FUT8: variants seen among roughly 807,000 people sequenced by gnomAD.
FUT8 encodes alpha-(1,6)-fucosyltransferase.
In FUT8, 29 loss-of-function variants were observed where a neutral mutation model predicts 71.3. The observed-to-expected ratio is 0.41, with a 90% CI of 0.30 to 0.55. The LOEUF is 0.55. Ranked by LOEUF, FUT8 falls within the 20% of genes least tolerant of loss-of-function variation. The pLI is 0.34. For synonymous variants in FUT8, 254 were observed against 239.3 expected (o/e 1.06, Z -0.57); for missense variants, 544 against 702.1 (o/e 0.77, Z 2.55).
chr14:65,726,960 C>A (rs1003197487), intron 9 of FUT8, among the ~76,000 whole-genome samples: 1 of 152,196 alleles, frequency 6.6e-6, no homozygotes, highest in East Asian at 1.9e-4. Context: ...GTCCGAAATC[C>A]AGTGGGGCAG....
intron 7 of FUT8, among the ~76,000 whole-genome samples, chr14:65,693,449 C>T (rs546852525): frequency 2.0e-4 from 31 of 152,226 alleles, no homozygotes; most frequent in Middle Eastern, 3.4e-3. Flanking sequence ...TGAGCCGAGA[C>T]GGCGAGATGG....
At chr14:65,367,539 T>C in the FUT8 span, among the ~76,000 whole-genome samples, 1 of 152,158 alleles carries the variant, frequency 6.6e-6, no homozygotes. Context: ...TGTGGAGTGA[T>C]TTAAGGACTA....
chr14:65,604,825 A>C (rs528273029), intron 3 of FUT8, among the ~76,000 whole-genome samples: 1 of 152,090 alleles, frequency 6.6e-6, no homozygotes, highest in East Asian at 1.9e-4. Context: ...ATAACTTCTT[A>C]ATCCCACTTT....
intron 3 of FUT8, among the ~76,000 whole-genome samples, chr14:65,566,388 T>C (rs1886195737): frequency 6.6e-6 from 1 of 152,006 alleles, no homozygotes; most frequent in South Asian, 2.1e-4. Flanking sequence ...CTACAAAGAA[T>C]GTGTAACCGC....
intron 1 of FUT8, among the ~76,000 whole-genome samples, chr14:65,443,491 A>G (rs567243033): frequency 6.6e-6 from 1 of 151,808 alleles, no homozygotes; most frequent in Non-Finnish European, 1.5e-5. Context: ...AGGCTGAGGC[A>G]GGAGGATTAC....
chr14:65,390,182 T>TTA, the FUT8 span, among the ~76,000 whole-genome samples: 6 of 150,402 alleles, frequency 4.0e-5, no homozygotes, highest in Non-Finnish European at 5.9e-5. Flanking sequence ...AAAATAATAT[T>TTA]TATATATATA....
intron 7 of FUT8, among the ~76,000 whole-genome samples, chr14:65,693,445 G>A (rs28434531): frequency 0.01 from 1,544 of 152,320 alleles, 35 homozygotes; most frequent in African/African-American, 0.036. Flanking sequence ...GCAGTGAGCC[G>A]AGACGGCGAG....
the FUT8 span, among the ~76,000 whole-genome samples, chr14:65,404,443 A>T: frequency 6.6e-6 from 1 of 150,662 alleles, no homozygotes; most frequent in East Asian, 2.0e-4. Context: ...AAGTGCTGGG[A>T]TTACAGGTGT....
chr14:65,477,646 A>G (rs1463269491), intron 2 of FUT8, among the ~76,000 whole-genome samples: 1 of 152,232 alleles, frequency 6.6e-6, no homozygotes, highest in Non-Finnish European at 1.5e-5. Flanking sequence ...TAATATTGTT[A>G]AACAGTAGTA....
intron 2 of FUT8, among the ~76,000 whole-genome samples, chr14:65,481,094 A>G (rs886892153): frequency 1.3e-5 from 2 of 152,100 alleles, no homozygotes; most frequent in Non-Finnish European, 2.9e-5. Context: ...TAATTTCAGC[A>G]CATTCTTACC....
chr14:65,423,640 C>T (rs1027482459), intron 1 of FUT8, among the ~76,000 whole-genome samples: 8 of 152,192 alleles, frequency 5.3e-5, no homozygotes, highest in South Asian at 2.1e-4. Flanking sequence ...CTCCTGTTAT[C>T]GTGACGTTTT....
Position 65,493,543 on chromosome 14 carries a change from G to T in FUT8, c.-228+37825G>T, listed in dbSNP as rs958952741. ...TCTTAGCACTGAAGTCTCAGGTACT[G>T]TGCTAAATGCTTTTCTTATATTATA... On this transcript the variant is annotated intron_variant, in intron 2 of 10. Coordinates refer to ENST00000673929, the MANE Select transcript of FUT8 (RefSeq NM_001371533.1). Among the ~76,000 whole-genome samples the T allele has an allele frequency of 3.9e-5, 6 of 152,110 alleles. No homozygotes were observed. In the East Asian group the frequency reaches 1.2e-3, roughly 29 times the overall value.
intron 9 of FUT8, among the ~76,000 whole-genome samples, chr14:65,728,223 A>T (rs1566920132): frequency 6.6e-6 from 1 of 152,040 alleles, no homozygotes. Context: ...TTTCAGCAGC[A>T]CTCCACTTCT....
In FUT8 at chr14:65,574,831, G is replaced by C. The variant is rs1251975237; in HGVS notation, c.203+13065G>C. On this transcript the variant is annotated intron_variant, in intron 3 of 10. Coordinates refer to ENST00000673929, the MANE Select transcript of FUT8 (RefSeq NM_001371533.1). This position sits in a 1 kb window ranked among gnomAD's most constrained non-coding sequence, Gnocchi z 5.2. The stretch of plus-strand genomic sequence containing the variant: ...GGTTCCTAGTACAAAGATTAAAGGG[G>C]CAAATAATGAGCAGATTCTGTGAAA... Among the ~76,000 whole-genome samples the C allele has an allele frequency of 2.0e-5, 3 of 152,162 alleles. No homozygotes were observed. The highest frequency in any genetic ancestry group is 1.5e-5 in the Non-Finnish European group (1 of 68,026).
intron 7 of FUT8, among the ~76,000 whole-genome samples, chr14:65,706,550 A>T (rs953620404): frequency 6.6e-6 from 1 of 152,136 alleles, no homozygotes; most frequent in Admixed American, 6.6e-5. Context: ...TGGCCTATAA[A>T]CAACAGCAAT....
At chr14:65,726,818 A>G (rs1229534961) in intron 9 of FUT8, among the ~76,000 whole-genome samples, 1 of 152,198 alleles carries the variant, frequency 6.6e-6, no homozygotes, top group African/African-American at 2.4e-5. Flanking sequence ...AGTCCCTTCC[A>G]CCTATGAGCC....
chr14:65,544,527 G>A (rs924710164), intron 2 of FUT8, among the ~76,000 whole-genome samples: 1 of 152,040 alleles, frequency 6.6e-6, no homozygotes, highest in African/African-American at 2.4e-5. Flanking sequence ...CCATTTTTCA[G>A]CAGTATTAAT....
intron 1 of FUT8, among the ~76,000 whole-genome samples, chr14:65,421,730 C>A (rs2065297608): frequency 1.5e-5 from 1 of 66,670 alleles, no homozygotes; most frequent in Non-Finnish European, 3.2e-5. Context: ...TCTTGAAACC[C>A]TTTAACCCAC....
chr14:65,737,980 C>T (rs1229443143), intron 10 of FUT8, among the ~76,000 whole-genome samples: 4 of 152,056 alleles, frequency 2.6e-5, no homozygotes, highest in African/African-American at 9.7e-5. Context: ...AGATGTGGCT[C>T]ATGAAACAAC....
Sources: gnomAD v4.1 joint callset for allele counts (sites outside exome capture counted in the v4.1 genomes callset) on GRCh38, gnomAD v4.1.1 for gene constraint, Gnocchi (gnomAD v3.1) non-coding constraint, MANE v1.5 for transcripts, NCBI Gene and HGNC (gene_info 2026-07-23, HGNC 2026-07-21) for gene names.